Variants in TENM2 observed in about 807,000 individuals in gnomAD.
TENM2 encodes the protein teneurin-2.
In TENM2, 52 loss-of-function variants were observed where a neutral mutation model predicts 245.2. The observed-to-expected ratio is 0.21, with a 90% CI of 0.17 to 0.27. TENM2 has a LOEUF of 0.27. TENM2 is among the 10% of genes least tolerant of loss of function. TENM2 has a pLI of 1.00. For synonymous variants in TENM2, 1,363 were observed against 1,438.9 expected (o/e 0.95, Z 1.19); for missense variants, 3,046 against 3,666.8 (o/e 0.83, Z 4.37).
intron 2 of TENM2, among the ~76,000 whole-genome samples, chr5:167,492,250 T>G (rs1768476655): frequency 6.6e-6 from 1 of 152,156 alleles, no homozygotes; most frequent in Non-Finnish European, 1.5e-5. Context: ...GGCACAGGCT[T>G]TGGACTAAGA....
intron 2 of TENM2, among the ~76,000 whole-genome samples, chr5:167,613,902 T>C (rs1426810247): frequency 6.7e-6 from 1 of 148,286 alleles, no homozygotes; most frequent in Admixed American, 6.6e-5. Flanking sequence ...CTTATATTTC[T>C]CTAAGTTAAA....
chr5:167,076,238 G>T, the TENM2 span, among the ~76,000 whole-genome samples: 50 of 152,154 alleles, frequency 3.3e-4, no homozygotes, highest in Middle Eastern at 6.4e-3. Context: ...TTCTAGGGCA[G>T]CCGTACCTAC....
chr5:167,045,119 C>A, the TENM2 span, among the ~76,000 whole-genome samples: 17 of 152,098 alleles, frequency 1.1e-4, 1 homozygote, highest in Admixed American at 1.1e-3. Flanking sequence ...CTGCATTTGA[C>A]AAGGAAGAAG....
At chr5:167,284,360 G>A (rs560298578), upstream of TENM2, among the ~76,000 whole-genome samples, 92 of 152,134 alleles carry the variant, frequency 6.0e-4, 1 homozygote, top group African/African-American at 2.1e-3. Context: ...TCTTTTGGAG[G>A]GGGGGTGGTA....
At chr5:167,595,329 T>C (rs556775034) in intron 2 of TENM2, among the ~76,000 whole-genome samples, 250 of 152,068 alleles carry the variant, frequency 1.6e-3, no homozygotes, top group African/African-American at 5.6e-3. Context: ...CCAAGAAATA[T>C]CGAGCCCAAA....
intron 7 of TENM2, among the ~76,000 whole-genome samples, chr5:168,066,662 G>A (rs1790532029): frequency 6.6e-6 from 1 of 151,940 alleles, no homozygotes. Flanking sequence ...CAGCAGTTTT[G>A]ACTTCATGCA....
At chr5:167,398,377 C>T (rs199602118) in intron 2 of TENM2, among the ~76,000 whole-genome samples, 4 of 137,080 alleles carry the variant, frequency 2.9e-5, no homozygotes, top group Admixed American at 1.6e-4. Context: ...TTTCTTTCTT[C>T]CTTTCTTTCT....
intron 12 of TENM2, among the ~76,000 whole-genome samples, chr5:168,141,803 C>T (rs933167489): frequency 6.6e-6 from 1 of 152,222 alleles, no homozygotes; most frequent in African/African-American, 2.4e-5. Flanking sequence ...GAAAACCGTA[C>T]AGGCTTTCAA....
intron 2 of TENM2, among the ~76,000 whole-genome samples, chr5:167,795,676 GA>G (rs1201311659): frequency 6.6e-6 from 1 of 151,766 alleles, no homozygotes; most frequent in Non-Finnish European, 1.5e-5. Flanking sequence ...GTAAAAGAAA[GA>G]AAGAATTTCC....
the TENM2 span, among the ~76,000 whole-genome samples, chr5:167,082,512 C>A: frequency 2.6e-5 from 4 of 152,120 alleles, no homozygotes; most frequent in Non-Finnish European, 5.9e-5. Context: ...GTCTCAAACT[C>A]CTGACCTCAG....
the TENM2 span, among the ~76,000 whole-genome samples, chr5:167,011,172 A>G: frequency 6.6e-6 from 1 of 152,220 alleles, no homozygotes; most frequent in Non-Finnish European, 1.5e-5. Flanking sequence ...GGGTTAAATT[A>G]CTACTTCCTC....
chr5:167,201,285 T>C, the TENM2 span, among the ~76,000 whole-genome samples: 1 of 152,178 alleles, frequency 6.6e-6, no homozygotes, highest in Non-Finnish European at 1.5e-5. Flanking sequence ...AAAACTGTTA[T>C]TGTATGCCAA....
intron 2 of TENM2, among the ~76,000 whole-genome samples, chr5:167,740,701 G>A (rs766620082): frequency 6.6e-5 from 10 of 152,198 alleles, no homozygotes; most frequent in Admixed American, 2.6e-4. Flanking sequence ...CTAGGGACCC[G>A]TGAGAGGGAT....
chr5:167,795,970 T>C (rs1324834807), intron 2 of TENM2, among the ~76,000 whole-genome samples: 1 of 152,194 alleles, frequency 6.6e-6, no homozygotes. Flanking sequence ...TGTTACTTTA[T>C]TACTATTTTT....
intron 1 of TENM2, among the ~76,000 whole-genome samples, chr5:167,318,558 G>T (rs1441437914): frequency 6.6e-6 from 1 of 152,036 alleles, no homozygotes; most frequent in African/African-American, 2.4e-5. Flanking sequence ...AATAGAGTTA[G>T]AGTAAATACA....
At chr5:168,188,964 T>A (rs1215065889) in intron 13 of TENM2, among the ~76,000 whole-genome samples, 1 of 152,132 alleles carries the variant, frequency 6.6e-6, no homozygotes, top group Non-Finnish European at 1.5e-5. Flanking sequence ...AACAAACATT[T>A]ATTTCTCGCA....
At chr5:167,658,359 C>G (rs1561645548) in intron 2 of TENM2, among the ~76,000 whole-genome samples, 1 of 151,924 alleles carries the variant, frequency 6.6e-6, no homozygotes, top group Non-Finnish European at 1.5e-5. Context: ...CAGGCATGTG[C>G]CACCGTGCCC....
chr5:167,726,600 A>G (rs1213793942), intron 2 of TENM2, among the ~76,000 whole-genome samples: 1 of 152,150 alleles, frequency 6.6e-6, no homozygotes, highest in Admixed American at 6.5e-5. Context: ...CTGGGACTAC[A>G]GGCATGCACC....
At position 167,899,474 on chromosome 5, in the gene TENM2, T is replaced by C. The variant is rs559374244; in HGVS notation, c.712+23279T>C. ...ATGGATTTATCGTGTGCCACGCTCC[T>C]GGCCAAGTGCCTTGCGTTAATTCAA... On this transcript the variant is annotated intron_variant, in intron 3 of 28. Coordinates refer to ENST00000518659, the Ensembl canonical transcript of TENM2. Among the ~76,000 whole-genome samples the C allele has an allele frequency of 3.1e-3, 472 of 152,384 alleles. 1 individual carries two copies. Among genetic ancestry groups the C allele is most frequent in the Non-Finnish European group, 5.6e-3 (383 of 68,040 alleles).
Sources: gnomAD v4.1 joint callset for allele counts (sites outside exome capture counted in the v4.1 genomes callset) on GRCh38, gnomAD v4.1.1 for gene constraint, MANE v1.5 for transcripts, NCBI Gene and HGNC (gene_info 2026-07-23, HGNC 2026-07-21) for gene names.